Variants in UIMC1 observed in about 807,000 individuals in gnomAD.
The protein encoded by UIMC1 is ubiquitin interaction motif containing 1.
Under a neutral mutation model 84.9 loss-of-function variants are expected in UIMC1, and 42 were observed. That is an observed-to-expected ratio of 0.49 (90% CI 0.39 to 0.64). UIMC1 has a LOEUF of 0.64. Ranked by LOEUF, UIMC1 falls within the 30% of genes least tolerant of loss-of-function variation. UIMC1 has a pLI of 0.00. For missense variants in UIMC1, 825 were observed against 847.6 expected, an observed-to-expected ratio of 0.97 and a Z score of 0.33; for synonymous variants, 281 against 293.0, an observed-to-expected ratio of 0.96 and a Z score of 0.42.
rs796866201 is a variant in UIMC1 at position 176,917,967 on chromosome 5, A to G, written c.1598-6578T>C. ...ACAGCAAAACTCTGTCTCAAAAAAT[A>G]ATAAAAAAAATTGAATTCCTCAGTC... is the stretch of plus-strand genomic sequence containing the variant. On this transcript the variant is annotated intron_variant, in intron 10 of 14. Transcript: ENST00000511320. Among the ~76,000 whole-genome samples the G allele has an allele frequency of 1.1e-4, 16 of 152,332 alleles. 1 individual carries two copies. Among genetic ancestry groups the G allele is most frequent in the African/African-American group, 3.8e-4 (16 of 41,594 alleles).
Position 176,969,142 on chromosome 5 carries a change from T to C in UIMC1, c.613A>G (p.Ser205Gly), listed in dbSNP as rs919169145. The change falls in exon 6 of 15, where the codon AGC becomes GGC. Residue 205 changes from serine (S) to glycine (G), a missense_variant. Ser to Gly is a moderately conservative substitution (Grantham distance 56, BLOSUM62 0). Transcript: ENST00000511320. The stretch of plus-strand genomic sequence containing the variant: ...TTCACATTCTCAAACACTGGCTGGC[T>C]TGACTGGTCCCAGCTTCCTGAGCTG... ...SGSSGSWDQS[S>G]QPVFENVNVK... is the part of the protein sequence containing the mutation. 51 of 1,614,094 alleles carry C rather than the reference T, an allele frequency of 3.2e-5. No individual in the cohort carries two copies. The highest frequency in any genetic ancestry group is 4.2e-5 in the Non-Finnish European group (49 of 1,180,048).
intron 7 of UIMC1, among the ~76,000 whole-genome samples, chr5:176,957,633 T>G (rs1766766867): frequency 6.6e-6 from 1 of 152,140 alleles, no homozygotes; most frequent in Admixed American, 6.5e-5. Context: ...AAGAGGATGT[T>G]AAGTCTCAAG....
At chr5:177,007,055 G>C (rs1259960988), upstream of UIMC1, among the ~76,000 whole-genome samples, 1 of 152,148 alleles carries the variant, frequency 6.6e-6, no homozygotes, top group African/African-American at 2.4e-5. Flanking sequence ...GAAAAATACG[G>C]AAATGCCGGG....
chr5:176,957,965 A>T, intron 7 of UIMC1, 128 bp downstream of exon 7: 1 of 680,836 alleles, frequency 1.5e-6, no homozygotes. Context: ...AATTTCTCCT[A>T]GTCTTCACTT....
At chr5:176,992,115 C>T (rs533884933) in intron 1 of UIMC1, among the ~76,000 whole-genome samples, 6 of 152,040 alleles carry the variant, frequency 3.9e-5, no homozygotes, top group Non-Finnish European at 8.8e-5. Context: ...AGAGTGAGAC[C>T]TCATCTCAAA....
intron 2 of UIMC1, among the ~76,000 whole-genome samples, chr5:176,976,245 T>G (rs1366461801): frequency 3.3e-5 from 5 of 152,058 alleles, no homozygotes; most frequent in African/African-American, 9.7e-5. Flanking sequence ...AACCCAAGAC[T>G]TCCAGGCTGC....
chr5:176,943,302 A>C, intron 10 of UIMC1, 33 bp downstream of exon 10: 2 of 1,603,194 alleles, frequency 1.2e-6, no homozygotes, highest in Non-Finnish European at 1.7e-6. Flanking sequence ...CACACAAAAA[A>C]GTAAGAGTTT....
Position 177,019,702 on chromosome 5 carries a change from C to T in UIMC1, c.-9+2762G>A, listed in dbSNP as rs187795261. On this transcript the variant is annotated intron_variant, in intron 1 of 5. Transcript: ENST00000509236. ...ATCCCAGCACTTTAGGAGGCCAAGG[C>T]GGGCAGATCACCTGAGGCCAGGAGT... is the stretch of plus-strand genomic sequence containing the variant. 2.3e-4 allele frequency among the ~76,000 whole-genome samples: 35 copies of T among 151,688 alleles called. No homozygotes were observed. The East Asian group carries it at 6.2e-3, about 27-fold the overall frequency.
At position 176,968,959 on chromosome 5, in the gene UIMC1, C is replaced by G; in HGVS notation, c.796G>C (p.Gly266Arg). Reference protein sequence around the residue: ...HCLPTLADAKGLQDTGGTVNY... With the variant: ...HCLPTLADAKRLQDTGGTVNY... ...ACAGTGCCCCCAGTGTCCTGGAGAC[C>G]TTTGGCATCTGCTAGGGTAGGTAGA... is the stretch of plus-strand genomic sequence containing the variant. Residue 266 changes from glycine to arginine, a missense_variant, in exon 6 of 15, where the codon GGT becomes CGT. Transcript: ENST00000511320. 1 of 1,614,166 alleles carries G rather than the reference C, an allele frequency of 6.2e-7. No individual in the cohort carries two copies. Among genetic ancestry groups the G allele is most frequent in the South Asian group, 1.1e-5 (1 of 91,076 alleles).
chr5:176,930,772 A>T (rs1267929950), intron 10 of UIMC1, among the ~76,000 whole-genome samples: 1 of 152,220 alleles, frequency 6.6e-6, no homozygotes, highest in Non-Finnish European at 1.5e-5. Context: ...TGTTCATCTG[A>T]TCTTTTTTTG....
rs780099340 is a variant in UIMC1, at chr5:176,982,486, A to G, written c.130T>C (p.Ser44Pro). The change falls in exon 2 of 15, where the codon TCC (serine) becomes CCC (proline). Residue 44 changes from serine (S) to proline (P), a missense_variant. By Grantham distance (74) the Ser-to-Pro change is moderately conservative. Transcript: ENST00000511320. ...TCACTAACCTCTCCATCACTATCGG[A>G]TATCACAATGAATGCATCCTCAAGT... ...RRLEDAFIVI[S>P]DSDGEEPKEE... is the part of the protein sequence containing the mutation. 3 of 1,613,814 alleles carry G rather than the reference A, an allele frequency of 1.9e-6. No homozygotes were observed. Among genetic ancestry groups the G allele is most frequent in the Non-Finnish European group, 1.7e-6 (2 of 1,179,944 alleles).
intron 8 of UIMC1, 36 bp downstream of exon 8, chr5:176,955,923 A>T: frequency 6.3e-7 from 1 of 1,597,740 alleles, no homozygotes; most frequent in South Asian, 1.1e-5. Context: ...GTAAATAGGT[A>T]TCAGAAATTC....
chr5:176,905,605 CTTTGTAATAAT>C, intron 14 of UIMC1, 113 bp from the exon 15 acceptor site: 1 of 974,920 alleles, frequency 1.0e-6, no homozygotes, highest in Non-Finnish European at 1.5e-6. Flanking sequence ...TACAAATAAT[CTTTGTAATAAT>C]CCCACCACAT....
intron 1 of UIMC1, among the ~76,000 whole-genome samples, chr5:176,987,115 G>T (rs1264387230): frequency 1.3e-5 from 2 of 152,092 alleles, no homozygotes; most frequent in African/African-American, 4.8e-5. Context: ...AGCTACTTGG[G>T]AGGCTGAGGC....
chr5:176,975,323 C>G (rs1769892246), intron 3 of UIMC1, 73 bp downstream of exon 3: 1 of 1,444,630 alleles, frequency 6.9e-7, no homozygotes, highest in South Asian at 1.2e-5. Flanking sequence ...GCAACATAAT[C>G]AACTAGTCCA....
At chr5:176,929,955 A>G (rs994439111) in intron 10 of UIMC1, among the ~76,000 whole-genome samples, 1 of 152,362 alleles carries the variant, frequency 6.6e-6, no homozygotes, top group South Asian at 2.1e-4. Flanking sequence ...TAAGTTTCAT[A>G]TGGAGAAAAG....
At chr5:176,908,841 A>T (rs1282008914) in intron 11 of UIMC1, 147 bp from the exon 12 acceptor site, 3 of 793,872 alleles carry the variant, frequency 3.8e-6, no homozygotes, top group Non-Finnish European at 5.8e-6. Flanking sequence ...ACTCAGCAGG[A>T]TCACCAATAA....
At chr5:176,978,246 G>A (rs1287421574) in intron 2 of UIMC1, among the ~76,000 whole-genome samples, 1 of 151,940 alleles carries the variant, frequency 6.6e-6, no homozygotes, top group Non-Finnish European at 1.5e-5. Context: ...GGTGGCAGGC[G>A]CCTGTAGTCC....
intron 1 of UIMC1, among the ~76,000 whole-genome samples, chr5:176,992,731 G>A (rs144713937): frequency 1.1e-4 from 17 of 151,978 alleles, no homozygotes; most frequent in Non-Finnish European, 2.2e-4. Context: ...ACCTGAACCA[G>A]GGAGGTCAAA....
Sources: allele counts gnomAD v4.1 joint callset (sites outside exome capture counted in the v4.1 genomes callset), GRCh38; gene constraint gnomAD v4.1.1; transcripts MANE v1.5; gene names NCBI Gene and HGNC (gene_info 2026-07-23, HGNC 2026-07-21).